COX7B2: variants seen among roughly 807,000 people sequenced by gnomAD.
COX7B2 encodes the protein cytochrome c oxidase subunit 7B2.
For synonymous variants in COX7B2, 37 were observed against 32.1 expected (o/e 1.15, Z -0.51); for missense variants, 109 against 95.9 (o/e 1.14, Z -0.57).
chr4:46,745,676 A>G (rs1328192847), intron 2 of COX7B2, among the ~76,000 whole-genome samples: 1 of 152,144 alleles, frequency 6.6e-6, no homozygotes, highest in South Asian at 2.1e-4. Context: ...GCACTTTGCT[A>G]AACTTTGGGG....
chr4:46,839,024 A>C (rs1450722212), intron 2 of COX7B2, among the ~76,000 whole-genome samples: 6 of 151,734 alleles, frequency 4.0e-5, no homozygotes, highest in Admixed American at 2.6e-4. Flanking sequence ...TATAATTTTT[A>C]TGTTTTATTT....
At chr4:46,736,030 C>A (rs1714341220) in intron 2 of COX7B2, among the ~76,000 whole-genome samples, 1 of 152,016 alleles carries the variant, frequency 6.6e-6, no homozygotes, top group Admixed American at 6.6e-5. Flanking sequence ...TCATGATTAC[C>A]CAAAGTCCAT....
intron 1 of COX7B2, among the ~76,000 whole-genome samples, chr4:46,874,931 G>A (rs1311634379): frequency 2.0e-5 from 3 of 152,044 alleles, no homozygotes; most frequent in Admixed American, 6.6e-5. Context: ...CTGTTACTAG[G>A]CTGGTCTCTG....
At chr4:46,744,562 A>C (rs1714905355) in intron 2 of COX7B2, among the ~76,000 whole-genome samples, 1 of 152,012 alleles carries the variant, frequency 6.6e-6, no homozygotes, top group Non-Finnish European at 1.5e-5. Context: ...TCATGATTCT[A>C]CGTGGCCATT....
At chr4:46,891,143 A>G (rs913596449) in intron 1 of COX7B2, among the ~76,000 whole-genome samples, 33 of 152,166 alleles carry the variant, frequency 2.2e-4, no homozygotes, top group African/African-American at 8.0e-4. Flanking sequence ...TTCTCACCTA[A>G]GTAACTAGAC....
At position 46,738,697 on chromosome 4, in the gene COX7B2, T is replaced by A. The variant is rs1021819970; in HGVS notation, c.-49-3456A>T. On this transcript the variant is annotated intron_variant, in intron 2 of 2. Transcript: ENST00000355591. ...AAAGCTACAGGTTCTAATATCCATA[T>A]GAAAGCATAAAAAAGAAATTCAATA... Among the ~76,000 whole-genome samples, 6 of 152,138 alleles carry A rather than the reference T, an allele frequency of 3.9e-5. No individual in the cohort carries two copies. The East Asian group carries it at 9.6e-4, about 24-fold the overall frequency.
chr4:46,843,747 A>G (rs1269004086), intron 2 of COX7B2, among the ~76,000 whole-genome samples: 4 of 152,068 alleles, frequency 2.6e-5, no homozygotes, highest in Non-Finnish European at 5.9e-5. Context: ...TAGTCTGAAG[A>G]AGAGACAATT....
intron 2 of COX7B2, among the ~76,000 whole-genome samples, chr4:46,789,073 T>A (rs1717900143): frequency 6.6e-6 from 1 of 152,200 alleles, no homozygotes; most frequent in Admixed American, 6.5e-5. Context: ...GCAATTTTTT[T>A]ACAGAAGAGC....
At chr4:46,831,207 G>C (rs933819239) in intron 2 of COX7B2, among the ~76,000 whole-genome samples, 3 of 152,140 alleles carry the variant, frequency 2.0e-5, no homozygotes. Context: ...GGGTGGGCCG[G>C]GTCCCCCAGC....
At chr4:46,802,471 TG>T (rs1474896667) in intron 2 of COX7B2, among the ~76,000 whole-genome samples, 1 of 152,160 alleles carries the variant, frequency 6.6e-6, no homozygotes. Context: ...GTTGGAGATA[TG>T]TTGATCATAG....
chr4:46,841,375 T>G (rs73813716), intron 2 of COX7B2, among the ~76,000 whole-genome samples: 15 of 100,686 alleles, frequency 1.5e-4, no homozygotes, highest in African/African-American at 4.0e-4. Flanking sequence ...GTGTGTGTGT[T>G]TAAGATGGGC....
At chr4:46,892,479 C>A (rs1003352537) in intron 1 of COX7B2, among the ~76,000 whole-genome samples, 14 of 152,084 alleles carry the variant, frequency 9.2e-5, no homozygotes, top group African/African-American at 3.4e-4. Flanking sequence ...GACATGTATT[C>A]TTTGCATATG....
intron 2 of COX7B2, among the ~76,000 whole-genome samples, chr4:46,820,695 C>T (rs1007470357): frequency 6.6e-6 from 1 of 151,818 alleles, no homozygotes; most frequent in African/African-American, 2.4e-5. Flanking sequence ...GTAGCACATG[C>T]CTGTAACCTC....
intron 2 of COX7B2, among the ~76,000 whole-genome samples, chr4:46,786,228 T>C (rs1042549487): frequency 3.9e-5 from 6 of 152,232 alleles, no homozygotes; most frequent in African/African-American, 1.4e-4. Flanking sequence ...CTTTATAATT[T>C]ACTTTTGCAC....
intron 2 of COX7B2, among the ~76,000 whole-genome samples, chr4:46,832,117 C>G (rs547042338): frequency 3.3e-5 from 5 of 150,274 alleles, no homozygotes; most frequent in East Asian, 1.9e-4. Context: ...GCAACCTGCT[C>G]GGGTCCCCTT....
At chr4:46,846,344 A>G (rs972742923) in intron 1 of COX7B2, among the ~76,000 whole-genome samples, 10 of 152,032 alleles carry the variant, frequency 6.6e-5, no homozygotes, top group African/African-American at 2.4e-4. Flanking sequence ...AATAAATATA[A>G]TGAATAACCT....
intron 1 of COX7B2, among the ~76,000 whole-genome samples, chr4:46,846,993 G>A (rs1473899091): frequency 1.3e-5 from 2 of 152,040 alleles, no homozygotes; most frequent in African/African-American, 2.4e-5. Flanking sequence ...ATCTATCCAA[G>A]AGGAACTATA....
At chr4:46,767,802 C>T (rs1318268776) in intron 2 of COX7B2, among the ~76,000 whole-genome samples, 1 of 152,126 alleles carries the variant, frequency 6.6e-6, no homozygotes, top group Non-Finnish European at 1.5e-5. Flanking sequence ...AAAAAAACAA[C>T]ATACCAAAAC....
intron 2 of COX7B2, among the ~76,000 whole-genome samples, chr4:46,825,396 T>C (rs1196094259): frequency 2.6e-5 from 4 of 151,766 alleles, no homozygotes; most frequent in Non-Finnish European, 5.9e-5. Flanking sequence ...CTCAAACAAA[T>C]AGAAAAACAT....
Sources: gnomAD v4.1 joint callset for allele counts (sites outside exome capture counted in the v4.1 genomes callset) on GRCh38, gnomAD v4.1.1 for gene constraint, MANE v1.5 for transcripts, NCBI Gene and HGNC (gene_info 2026-07-23, HGNC 2026-07-21) for gene names.